PABIR3: variants seen among roughly 807,000 people sequenced by gnomAD.
The protein encoded by PABIR3 is PABIR family member 1.
PABIR3 carries 20 observed loss-of-function variants against 23.1 expected under a neutral mutation model. That is an observed-to-expected ratio of 0.86 (90% CI 0.61 to 1.26). PABIR3 has a LOEUF of 1.26. Among genes scored for constraint, PABIR3 ranks in the 50% most tolerant of loss-of-function variants. PABIR3 has a pLI of 0.00. For synonymous variants in PABIR3, 69 were observed against 68.5 expected, an observed-to-expected ratio of 1.01 and a Z score of -0.04; for missense variants, 189 against 195.4, an observed-to-expected ratio of 0.97 and a Z score of 0.20.
At chrX:134,827,083 C>T (rs2081537062) in intron 3 of PABIR3, among the ~76,000 whole-genome samples, 1 of 111,475 alleles carries the variant, frequency 9.0e-6, no homozygotes, top group Non-Finnish European at 1.9e-5. Flanking sequence ...GCCTCAGCCT[C>T]CTGAGTAGCT....
chrX:134,799,625 T>G (rs1465077688), intron 1 of PABIR3, among the ~76,000 whole-genome samples: 1 of 112,129 alleles, frequency 8.9e-6, no homozygotes, highest in Non-Finnish European at 1.9e-5. Flanking sequence ...ACCCCTTTCT[T>G]AAACAACAGG....
At chrX:134,839,696 C>G (rs2082141492) in intron 4 of PABIR3, 1 of 104,824 alleles carries the variant, frequency 9.5e-6, no homozygotes, top group African/African-American at 3.7e-5. Context: ...GTGGGGGGGT[C>G]AGTCCCCCGC....
chrX:134,827,474 C>T (rs1183915807), intron 3 of PABIR3, among the ~76,000 whole-genome samples: 1 of 111,054 alleles, frequency 9.0e-6, no homozygotes, highest in Non-Finnish European at 1.9e-5. Flanking sequence ...TGGCCTGTGA[C>T]CCTGCGTCTA....
chrX:134,841,537 T>C (rs1288104454), intron 4 of PABIR3, among the ~76,000 whole-genome samples: 1 of 111,367 alleles, frequency 9.0e-6, no homozygotes, highest in Non-Finnish European at 1.9e-5. Flanking sequence ...TTTTAGAAAA[T>C]TTAAAAATTT....
intron 10 of PABIR3, 126 bp from the exon 11 acceptor site, chrX:134,853,965 A>G: frequency 1.4e-6 from 1 of 713,329 alleles, no homozygotes; most frequent in South Asian, 3.1e-5. Context: ...ATGACTCTTA[A>G]AAAACTTTGC....
At chrX:134,840,974 T>TAA (rs2082211150) in intron 4 of PABIR3, among the ~76,000 whole-genome samples, 1 of 110,395 alleles carries the variant, frequency 9.1e-6, no homozygotes, top group Non-Finnish European at 1.9e-5. Flanking sequence ...TTTATTTATT[T>TAA]ATTGAGACAG....
chrX:134,831,102 T>C (rs755027287), intron 4 of PABIR3, among the ~76,000 whole-genome samples: 1 of 109,307 alleles, frequency 9.1e-6, no homozygotes, highest in African/African-American at 3.3e-5. Context: ...AGTCTCACTC[T>C]GTCACCCAGG....
At chrX:134,806,408 G>A (rs1041327364), upstream of PABIR3, among the ~76,000 whole-genome samples, 5 of 110,837 alleles carry the variant, frequency 4.5e-5, no homozygotes, top group Admixed American at 1.9e-4. Flanking sequence ...CTGAGGTCCA[G>A]GAGTTCGAGA....
chrX:134,810,890 T>C, intron 2 of PABIR3: 2 of 754,101 alleles, frequency 2.7e-6, no homozygotes, highest in Non-Finnish European at 3.1e-6. Context: ...AACATAGGAA[T>C]GATGTGTGAC....
chrX:134,851,922 T>C (rs1415803404), intron 9 of PABIR3, among the ~76,000 whole-genome samples: 1 of 112,051 alleles, frequency 8.9e-6, no homozygotes, highest in Non-Finnish European at 1.9e-5. Flanking sequence ...GATTATCATA[T>C]GAATGTGAAA....
At chrX:134,822,201 C>T (rs1393468000) in intron 3 of PABIR3, 1 of 749,947 alleles carries the variant, frequency 1.3e-6, no homozygotes, top group Non-Finnish European at 1.6e-6. Flanking sequence ...GGGAAATTTA[C>T]ACAAAAGATA....
chrX:134,858,743 C>T (rs939792249), downstream of PABIR3, among the ~76,000 whole-genome samples: 6 of 111,410 alleles, frequency 5.4e-5, no homozygotes, highest in Admixed American at 4.8e-4. Context: ...CGTAATGTCT[C>T]GCAGATTTCT....
chrX:134,859,759 G>C, downstream of PABIR3, among the ~76,000 whole-genome samples: 1 of 112,048 alleles, frequency 8.9e-6, no homozygotes, highest in Non-Finnish European at 1.9e-5. Context: ...GCCTTCTGAC[G>C]TTAAGTTGGT....
chrX:134,806,512 A>G (rs1047397854), upstream of PABIR3, among the ~76,000 whole-genome samples: 2 of 109,018 alleles, frequency 1.8e-5, no homozygotes, highest in African/African-American at 6.7e-5. Flanking sequence ...GCTACTCGGG[A>G]GGCTGAGGCA....
chrX:134,842,788 C>G (rs1236398509), intron 4 of PABIR3, among the ~76,000 whole-genome samples: 1 of 110,121 alleles, frequency 9.1e-6, no homozygotes, highest in Non-Finnish European at 1.9e-5. Flanking sequence ...ATCCCAGCTG[C>G]TCAGGAGGCT....
chrX:134,862,795 G>T, the PABIR3 span, among the ~76,000 whole-genome samples: 1 of 111,890 alleles, frequency 8.9e-6, no homozygotes, highest in Non-Finnish European at 1.9e-5. Flanking sequence ...CTGTTGGAAA[G>T]CTCTACTCAT....
In PABIR3 at chrX:134,807,547, C is replaced by G. The variant is rs1410244341; in HGVS notation, c.-52C>G. 7.5e-6 allele frequency: 9 copies of G among 1,205,280 alleles called. No homozygotes were observed. Among genetic ancestry groups the G allele is most frequent in the Admixed American group, 2.2e-5 (1 of 45,419 alleles). On this transcript the variant is annotated 5_prime_UTR_variant, in exon 2 of 11. Transcript: ENST00000645433. ...CACCTGCCCACTAAGTAGACTTGTCCTTGTGTGGACGGGAGCCGGAAAGCC... is the reference window on the plus strand; with the variant it reads ...CACCTGCCCACTAAGTAGACTTGTCGTTGTGTGGACGGGAGCCGGAAAGCC...
At chrX:134,818,826 A>G (rs1217420509) in intron 3 of PABIR3, among the ~76,000 whole-genome samples, 1 of 111,310 alleles carries the variant, frequency 9.0e-6, no homozygotes, top group Non-Finnish European at 1.9e-5. Flanking sequence ...GTTTTTTTAA[A>G]TCAGTAATAG....
intron 3 of PABIR3, chrX:134,822,094 G>A: frequency 1.5e-5 from 11 of 753,649 alleles, no homozygotes; most frequent in Non-Finnish European, 1.7e-5. Context: ...TCTACTCCCA[G>A]CCACCTTCAC....
Sources: gnomAD v4.1 joint callset for allele counts (sites outside exome capture counted in the v4.1 genomes callset) on GRCh38, gnomAD v4.1.1 for gene constraint, MANE v1.5 for transcripts, NCBI Gene and HGNC (gene_info 2026-07-23, HGNC 2026-07-21) for gene names.